RAD51B: variants seen among roughly 807,000 people sequenced by gnomAD.
The protein encoded by RAD51B is DNA repair protein RAD51 homolog 2.
In RAD51B, 38 loss-of-function variants were observed where a neutral mutation model predicts 42.2. That is an observed-to-expected ratio of 0.90 (90% CI 0.70 to 1.18). The LOEUF is 1.18. RAD51B is among the 50% of genes most tolerant of loss of function. The pLI is 0.00. For synonymous variants in RAD51B, 154 were observed against 145.2 expected (o/e 1.06, Z -0.43); for missense variants, 373 against 400.7 (o/e 0.93, Z 0.59).
At chr14:68,508,496 G>A (rs867597220) in intron 10 of RAD51B, among the ~76,000 whole-genome samples, 5 of 152,178 alleles carry the variant, frequency 3.3e-5, no homozygotes, top group Non-Finnish European at 4.4e-5. Context: ...AACATTCTAC[G>A]CAAGCCAGCG....
intron 7 of RAD51B, among the ~76,000 whole-genome samples, chr14:68,046,452 T>G (rs940218259): frequency 3.3e-5 from 5 of 152,222 alleles, no homozygotes; most frequent in African/African-American, 4.8e-5. Flanking sequence ...ATGTTGTGAT[T>G]GTCTAGCTGG....
intron 4 of RAD51B, among the ~76,000 whole-genome samples, chr14:67,846,404 G>A (rs979754923): frequency 1.3e-5 from 2 of 152,188 alleles, no homozygotes; most frequent in Non-Finnish European, 2.9e-5. Flanking sequence ...TGGCATAGTG[G>A]GATGCATATG....
chr14:67,965,960 C>T (rs1281593739), intron 7 of RAD51B, among the ~76,000 whole-genome samples: 1 of 152,108 alleles, frequency 6.6e-6, no homozygotes, highest in African/African-American at 2.4e-5. Flanking sequence ...AGGACTCAAT[C>T]CCAGAAGGTA....
chr14:68,265,799 A>G (rs1205140330), intron 7 of RAD51B, among the ~76,000 whole-genome samples: 6 of 152,166 alleles, frequency 3.9e-5, no homozygotes, highest in Non-Finnish European at 7.4e-5. Context: ...ATAATATAAT[A>G]ATATGATAAA....
At chr14:67,868,116 A>G (rs949950028) in intron 5 of RAD51B, among the ~76,000 whole-genome samples, 6 of 152,216 alleles carry the variant, frequency 3.9e-5, no homozygotes, top group Admixed American at 3.9e-4. Flanking sequence ...TCTGGTCTAC[A>G]GCTCCCAGCA....
chr14:68,450,450 C>T (rs999883084), intron 9 of RAD51B, among the ~76,000 whole-genome samples: 1 of 152,092 alleles, frequency 6.6e-6, no homozygotes, highest in African/African-American at 2.4e-5. Flanking sequence ...AACTCCTGAC[C>T]TCAGGTGATC....
chr14:68,617,793 T>C (rs1411062655), intron 10 of RAD51B, among the ~76,000 whole-genome samples: 1 of 152,180 alleles, frequency 6.6e-6, no homozygotes, highest in Non-Finnish European at 1.5e-5. Flanking sequence ...AGTACATTTA[T>C]TTTGTTGTTT....
chr14:68,356,086 A>G (rs879409850), intron 8 of RAD51B, among the ~76,000 whole-genome samples: 6 of 152,212 alleles, frequency 3.9e-5, no homozygotes, highest in African/African-American at 7.2e-5. Context: ...CCATTGCAAT[A>G]AAGTAAATAT....
chr14:68,524,469 AC>A (rs1445601365), intron 10 of RAD51B, among the ~76,000 whole-genome samples: 1 of 152,118 alleles, frequency 6.6e-6, no homozygotes, highest in Non-Finnish European at 1.5e-5. Flanking sequence ...AAATAGAAGC[AC>A]ATTGTGAGTT....
intron 9 of RAD51B, among the ~76,000 whole-genome samples, chr14:68,442,460 T>A (rs1002528049): frequency 7.5e-5 from 11 of 146,790 alleles, no homozygotes; most frequent in Non-Finnish European, 1.5e-4. Context: ...TTTTTTTTTT[T>A]AGCTAGAGTC....
intron 7 of RAD51B, among the ~76,000 whole-genome samples, chr14:67,899,154 T>G (rs1221390158): frequency 2.0e-5 from 3 of 152,080 alleles, no homozygotes; most frequent in Non-Finnish European, 4.4e-5. Context: ...GCTATTCTCC[T>G]GCCTCAGCCT....
chr14:67,865,251 T>A, intron 5 of RAD51B, 112 bp downstream of exon 5: 2 of 1,111,396 alleles, frequency 1.8e-6, no homozygotes, highest in Non-Finnish European at 2.4e-6. Flanking sequence ...CTTTTTTTTT[T>A]TTTTGAGATG....
At chr14:68,429,931 G>A (rs773727216) in intron 9 of RAD51B, among the ~76,000 whole-genome samples, 101 of 152,270 alleles carry the variant, frequency 6.6e-4, no homozygotes, top group Non-Finnish European at 1.1e-3. Context: ...TGTACAAGGT[G>A]TATGGAAGGG....
chr14:68,163,539 C>A (rs75884019), intron 7 of RAD51B, among the ~76,000 whole-genome samples: 2,377 of 152,206 alleles, frequency 0.016, 70 homozygotes, highest in African/African-American at 0.052. Context: ...CAGGAATACT[C>A]ATTGCTTTTT....
At chr14:68,511,427 C>T (rs1162547860) in intron 10 of RAD51B, among the ~76,000 whole-genome samples, 1 of 152,180 alleles carries the variant, frequency 6.6e-6, no homozygotes, top group African/African-American at 2.4e-5. Flanking sequence ...GTCAAGCTCC[C>T]AGAATCACCC....
intron 7 of RAD51B, among the ~76,000 whole-genome samples, chr14:68,200,786 T>C (rs1022835999): frequency 6.6e-6 from 1 of 152,130 alleles, no homozygotes; most frequent in African/African-American, 2.4e-5. Context: ...CCCAAGTAAC[T>C]GGGATCACAG....
intron 7 of RAD51B, among the ~76,000 whole-genome samples, chr14:67,948,931 C>CAAAAAAAAAAA (rs59465805): frequency 0.013 from 219 of 17,056 alleles, 41 homozygotes; most frequent in African/African-American, 0.039. Context: ...GACTCTGTCT[C>CAAAAAAAAAAA]AAAAAAAAAA....
chr14:67,825,633 A>G (rs2040805020), intron 3 of RAD51B, 56 bp downstream of exon 3: 12 of 1,352,260 alleles, frequency 8.9e-6, no homozygotes, highest in Non-Finnish European at 1.1e-5. Context: ...CTCATTAAAC[A>G]TGTTTTTTTA....
At chr14:68,607,093 G>A (rs1891475892) in intron 10 of RAD51B, among the ~76,000 whole-genome samples, 1 of 152,162 alleles carries the variant, frequency 6.6e-6, no homozygotes, top group African/African-American at 2.4e-5. Flanking sequence ...TTCTAGGTGA[G>A]GCACAGTGAT....
Sources: gnomAD v4.1 joint callset for allele counts (sites outside exome capture counted in the v4.1 genomes callset) on GRCh38, gnomAD v4.1.1 for gene constraint, MANE v1.5 for transcripts, NCBI Gene and HGNC (gene_info 2026-07-23, HGNC 2026-07-21) for gene names.